The following SGCZ variants were observed in gnomAD, a reference collection of about 807,000 sequenced individuals.
SGCZ encodes sarcoglycan zeta.
In SGCZ, 40 loss-of-function variants were observed where a neutral mutation model predicts 41.3. The ratio of observed to expected loss-of-function variants is 0.97; its 90% CI spans 0.75 to 1.26. The LOEUF (loss-of-function observed/expected upper bound fraction) is 1.26, where lower values mean the gene tolerates loss of function less well. Ranked by LOEUF, SGCZ falls within the 50% of genes most tolerant of loss-of-function variation. The pLI, the probability that SGCZ is intolerant of heterozygous loss-of-function variation, is 0.00. For synonymous variants in SGCZ, 206 were observed against 137.5 expected (o/e 1.50, Z -3.49); for missense variants, 552 against 369.8 (o/e 1.49, Z -4.04).
intron 1 of SGCZ, among the ~76,000 whole-genome samples, chr8:14,970,834 A>T (rs1270672470): frequency 6.6e-6 from 1 of 152,166 alleles, no homozygotes; most frequent in Non-Finnish European, 1.5e-5. Context: ...CACAAAAAAA[A>T]GTCAGTTAAT....
chr8:14,697,195 G>C (rs891013673), intron 1 of SGCZ, among the ~76,000 whole-genome samples: 7 of 151,958 alleles, frequency 4.6e-5, no homozygotes, highest in Non-Finnish European at 1.0e-4. Flanking sequence ...GTGTGGCCAG[G>C]TCACTATAGA....
chr8:14,864,807 G>A (rs138688978), intron 1 of SGCZ, among the ~76,000 whole-genome samples: 3,585 of 152,014 alleles, frequency 0.024, 52 homozygotes, highest in Middle Eastern at 0.048. Context: ...TAAGAGCTCC[G>A]GTTCCTCCTT....
chr8:15,112,589 C>G (rs953800486), intron 1 of SGCZ, among the ~76,000 whole-genome samples: 19 of 152,126 alleles, frequency 1.2e-4, no homozygotes, highest in African/African-American at 3.4e-4. Flanking sequence ...TGGGCCCAGG[C>G]CTTAATACAT....
chr8:14,937,299 A>G (rs538736930), intron 1 of SGCZ, among the ~76,000 whole-genome samples: 1 of 152,174 alleles, frequency 6.6e-6, no homozygotes, highest in African/African-American at 2.4e-5. Context: ...AATATTTCAT[A>G]AAAAAGATAA....
chr8:14,592,560 A>G (rs538479039), intron 1 of SGCZ, among the ~76,000 whole-genome samples: 1 of 152,078 alleles, frequency 6.6e-6, no homozygotes, highest in African/African-American at 2.4e-5. Context: ...ATTGAGTCTT[A>G]AAACACCTAG....
Position 15,183,567 on chromosome 8 carries a change from G to C in SGCZ, c.39+54018C>G, listed in dbSNP as rs142606740. ...GCATCATTTTGTGTGTTACTGATTA[G>C]AGGGCTTTAATTTAGATGTGAAAGT... On this transcript the variant is annotated intron_variant, in intron 1 of 7. Coordinates refer to ENST00000382080, the MANE Select transcript of SGCZ (RefSeq NM_139167.4). Among the ~76,000 whole-genome samples the C allele has an allele frequency of 1.3e-3, 198 of 152,276 alleles. 1 individual carries two copies. In the East Asian group the frequency reaches 0.018, roughly 14 times the overall value.
At chr8:15,139,569 T>C (rs1808244653) in intron 1 of SGCZ, among the ~76,000 whole-genome samples, 1 of 152,148 alleles carries the variant, frequency 6.6e-6, no homozygotes, top group African/African-American at 2.4e-5. Context: ...AGTAAAATGG[T>C]TACCACAGTG....
At chr8:14,130,498 T>G (rs992751687) in intron 5 of SGCZ, among the ~76,000 whole-genome samples, 3 of 151,990 alleles carry the variant, frequency 2.0e-5, no homozygotes, top group African/African-American at 7.2e-5. Flanking sequence ...AAAAAATGAA[T>G]AAAACAACAA....
intron 2 of SGCZ, among the ~76,000 whole-genome samples, chr8:14,416,851 T>A (rs111737633): frequency 6.6e-6 from 1 of 151,994 alleles, no homozygotes; most frequent in East Asian, 1.9e-4. Context: ...TTAAGTAGAA[T>A]AATGAGTATA....
chr8:15,085,771 C>T (rs531180500), intron 1 of SGCZ, among the ~76,000 whole-genome samples: 3 of 152,240 alleles, frequency 2.0e-5, no homozygotes, highest in South Asian at 4.1e-4. Context: ...ATCCACCATT[C>T]TTCTGACAAG....
intron 1 of SGCZ, among the ~76,000 whole-genome samples, chr8:14,986,085 A>T (rs926036857): frequency 6.6e-6 from 1 of 152,118 alleles, no homozygotes; most frequent in Non-Finnish European, 1.5e-5. Flanking sequence ...TATGAACAAT[A>T]TATACATGTA....
chr8:14,287,792 T>C (rs1321012487), intron 3 of SGCZ, among the ~76,000 whole-genome samples: 1 of 152,124 alleles, frequency 6.6e-6, no homozygotes, highest in East Asian at 1.9e-4. Context: ...GCTATTTAAA[T>C]AGAAACAGGA....
intron 1 of SGCZ, among the ~76,000 whole-genome samples, chr8:14,701,412 TG>T (rs1003504144): frequency 1.5e-4 from 23 of 152,128 alleles, no homozygotes; most frequent in Admixed American, 1.2e-3. Flanking sequence ...CACAACTTTT[TG>T]TTTTCTTTCT....
At chr8:14,201,533 T>C (rs1417640762) in intron 4 of SGCZ, among the ~76,000 whole-genome samples, 1 of 152,202 alleles carries the variant, frequency 6.6e-6, no homozygotes, top group African/African-American at 2.4e-5. Flanking sequence ...ACTCAAAGGC[T>C]ACATATTGTG....
At chr8:15,160,460 G>A (rs1344140975) in intron 1 of SGCZ, among the ~76,000 whole-genome samples, 2 of 152,166 alleles carry the variant, frequency 1.3e-5, no homozygotes, top group Non-Finnish European at 2.9e-5. Context: ...CGTGTGAGAC[G>A]AGAATTTTGA....
At chr8:14,195,783 G>A (rs1183819817) in intron 4 of SGCZ, among the ~76,000 whole-genome samples, 1 of 152,044 alleles carries the variant, frequency 6.6e-6, no homozygotes, top group Non-Finnish European at 1.5e-5. Flanking sequence ...CAAAAACAAT[G>A]GATGACTCCC....
At chr8:14,909,900 A>G (rs1189210777) in intron 1 of SGCZ, among the ~76,000 whole-genome samples, 2 of 152,142 alleles carry the variant, frequency 1.3e-5, no homozygotes, top group Non-Finnish European at 2.9e-5. Context: ...CATATTTTGC[A>G]CAGCATATTT....
intron 1 of SGCZ, among the ~76,000 whole-genome samples, chr8:15,224,044 C>T (rs1455994041): frequency 2.0e-5 from 3 of 151,930 alleles, no homozygotes; most frequent in South Asian, 2.1e-4. Flanking sequence ...TTAGTAGAAA[C>T]GGGGCTTCAC....
intron 1 of SGCZ, among the ~76,000 whole-genome samples, chr8:14,828,175 C>T (rs1056329898): frequency 2.0e-5 from 3 of 152,036 alleles, no homozygotes; most frequent in African/African-American, 7.2e-5. Context: ...GGAATCTTTA[C>T]AAAAAGTTTA....
Sources: gnomAD v4.1 joint callset for allele counts (sites outside exome capture counted in the v4.1 genomes callset) on GRCh38, gnomAD v4.1.1 for gene constraint, MANE v1.5 for transcripts, NCBI Gene and HGNC (gene_info 2026-07-23, HGNC 2026-07-21) for gene names.